Variants in ARHGAP39 observed in about 807,000 individuals in gnomAD.
ARHGAP39 encodes the protein rho GTPase-activating protein 39.
ARHGAP39 carries 44 observed loss-of-function variants against 106.9 expected under a neutral mutation model. That is an observed-to-expected ratio of 0.41 (90% confidence interval 0.32 to 0.53). The LOEUF is 0.53. Ranked by LOEUF, ARHGAP39 falls within the 20% of genes least tolerant of loss-of-function variation. ARHGAP39 has a pLI of 0.21. For synonymous variants in ARHGAP39, 768 were observed against 693.2 expected (o/e 1.11, Z -1.69); for missense variants, 1,496 against 1,577.3 (o/e 0.95, Z 0.87).
rs1378531747 is a variant in ARHGAP39, at chr8:144,533,217, G to A, written c.2797C>T (p.Arg933Cys). The change falls in exon 9 of 12, where the codon CGC becomes TGC. Residue 933 changes from arginine (R) to cysteine (C), a missense_variant. Physicochemically the swap from Arg to Cys is radical, Grantham distance 180. Around this residue, in one of 4 missense-constraint regions of ARHGAP39, gnomAD observed 470 missense variants for 605.1 expected, o/e 0.78. Transcript: ENST00000377307. The stretch of plus-strand genomic sequence containing the variant: ...CAGGGCAGCTGGCGCTCGGGGTAGC[G>A]CTCTCTCTGCATGCCCATGACCTCC... ...LQEVMGMQRE[R>C]YPERQLPWVQ... 20 of 1,612,764 alleles carry A rather than the reference G, an allele frequency of 1.2e-5. No individual in the cohort carries two copies. The highest frequency in any genetic ancestry group is 1.6e-5 in the Non-Finnish European group (19 of 1,179,976).
chr8:144,532,892 G>A (rs1816786485), intron 9 of ARHGAP39, among the ~76,000 whole-genome samples: 1 of 152,210 alleles, frequency 6.6e-6, no homozygotes. Flanking sequence ...CTCTGCAGGG[G>A]CGCCCTCCCT....
intron 1 of ARHGAP39, among the ~76,000 whole-genome samples, chr8:144,655,951 C>G (rs1821682210): frequency 6.6e-6 from 1 of 152,114 alleles, no homozygotes; most frequent in African/African-American, 2.4e-5. Flanking sequence ...AAGGGAACAG[C>G]ATATCTAACA....
intron 4 of ARHGAP39, among the ~76,000 whole-genome samples, chr8:144,552,799 CTT>C: frequency 6.8e-6 from 1 of 147,024 alleles, no homozygotes; most frequent in African/African-American, 2.5e-5. Flanking sequence ...TTTATAATTT[CTT>C]TTTTTTTTTT....
At chr8:144,537,571 C>A in intron 7 of ARHGAP39, 150 bp downstream of exon 7, 1 of 695,230 alleles carries the variant, frequency 1.4e-6, no homozygotes, top group Non-Finnish European at 2.4e-6. Context: ...CACCTGGGCC[C>A]TCCAGCTCGC....
intron 1 of ARHGAP39, among the ~76,000 whole-genome samples, chr8:144,682,310 G>A (rs1359832067): frequency 6.7e-6 from 1 of 149,670 alleles, no homozygotes; most frequent in Non-Finnish European, 1.5e-5. Context: ...AGCACTTTGG[G>A]AGGCTGAGGC....
At chr8:144,616,014 G>C (rs903250398) in intron 1 of ARHGAP39, among the ~76,000 whole-genome samples, 5 of 152,252 alleles carry the variant, frequency 3.3e-5, no homozygotes, top group African/African-American at 1.2e-4. Context: ...TTTCTGGGAG[G>C]GGGAAAGGAG....
intron 8 of ARHGAP39, among the ~76,000 whole-genome samples, chr8:144,533,727 G>A (rs1024754557): frequency 2.0e-5 from 3 of 152,214 alleles, no homozygotes; most frequent in Admixed American, 6.5e-5. Context: ...AGCTAGCTGA[G>A]CTGGGGTGAA....
rs1818971116 is a variant in ARHGAP39 at position 144,581,121 on chromosome 8, G to A, written c.237C>T (p.Arg79=). 1 of 1,592,564 alleles carries A rather than the reference G, an allele frequency of 6.3e-7. No individual in the cohort carries two copies. Among genetic ancestry groups the A allele is most frequent in the Non-Finnish European group, 8.5e-7 (1 of 1,170,538 alleles). Residue 79 remains arginine, a synonymous_variant, in exon 3 of 12, where the codon CGC becomes CGT. Transcript: ENST00000377307. ...WWELFDPNTS[R]FYYYNASTQR... is the part of the protein sequence containing the mutation. ...GCGTGCTGGCATTGTAGTAGTAGAA[G>A]CGGGACGTGTTGGGGTCGAACAGCT... is the stretch of plus-strand genomic sequence containing the variant.
At chr8:144,689,094 C>T (rs1373209701), upstream of ARHGAP39, among the ~76,000 whole-genome samples, 1 of 152,106 alleles carries the variant, frequency 6.6e-6, no homozygotes, top group East Asian at 1.9e-4. Flanking sequence ...TTTAATAGAG[C>T]CTCTGTTTGT....
At chr8:144,531,262 GGGGAGTGGGCTA>G (rs1816710900) in intron 10 of ARHGAP39, among the ~76,000 whole-genome samples, 1 of 94,570 alleles carries the variant, frequency 1.1e-5, no homozygotes, top group African/African-American at 4.1e-5. Context: ...AGCAGCAGGT[GGGGAGTGGGCTA>G]GACATAGCAG....
upstream of ARHGAP39, among the ~76,000 whole-genome samples, chr8:144,686,998 G>A (rs531800861): frequency 1.1e-4 from 8 of 70,398 alleles, no homozygotes; most frequent in South Asian, 4.2e-4. Flanking sequence ...ACACACTGGC[G>A]GCGACCATTT....
Position 144,548,039 on chromosome 8 carries a change from C to T in ARHGAP39, c.1047G>A (p.Pro349=), listed in dbSNP as rs1415690701. 5.0e-6 allele frequency: 8 copies of T among 1,603,464 alleles called. No homozygotes were observed. The highest frequency in any genetic ancestry group is 6.8e-6 in the Non-Finnish European group (8 of 1,176,470). ...GYQAGSPQRS[P]GRKPRPFLQP... is the part of the protein sequence containing the mutation. The stretch of plus-strand genomic sequence containing the variant: ...GGAGGAACGGCCGGGGCTTACGGCC[C>T]GGCGACCGCTGGGGAGAGCCGGCCT... The change falls in exon 5 of 12, where the codon CCG becomes CCA. Residue 349 remains proline, a synonymous_variant. Transcript: ENST00000377307. The surrounding 1 kb of genome is among the most constrained non-coding windows in gnomAD (Gnocchi z 7.4).
intron 1 of ARHGAP39, among the ~76,000 whole-genome samples, chr8:144,682,050 C>G (rs1267775723): frequency 6.6e-6 from 1 of 151,778 alleles, no homozygotes; most frequent in Non-Finnish European, 1.5e-5. Flanking sequence ...GGGCAGATCA[C>G]GAGGTCAGGA....
Position 144,620,051 on chromosome 8 carries a change from C to T in ARHGAP39, c.-81-14356G>A, listed in dbSNP as rs376796910. Among the ~76,000 whole-genome samples, 588 of 127,704 alleles carry T rather than the reference C, an allele frequency of 4.6e-3. 1 individual carries two copies. Among genetic ancestry groups the T allele is most frequent in the African/African-American group, 0.015 (504 of 32,992 alleles). 83.8% of individuals were successfully genotyped at this position (127,704 alleles called of 152,430 possible). ...GTGTGCCGGTGTTTGTGTGCCTGTGCGTCCCTGAGAGCGTGTCTGTGTGTG... is the reference window on the plus strand; with the variant it reads ...GTGTGCCGGTGTTTGTGTGCCTGTGTGTCCCTGAGAGCGTGTCTGTGTGTG... On this transcript the variant is annotated intron_variant, in intron 1 of 11. Transcript: ENST00000377307.
intron 1 of ARHGAP39, among the ~76,000 whole-genome samples, chr8:144,666,352 G>C (rs1158379893): frequency 6.6e-6 from 1 of 152,134 alleles, no homozygotes; most frequent in African/African-American, 2.4e-5. Flanking sequence ...TAAGACTTTG[G>C]GGGGCTGTTG....
At position 144,547,837 on chromosome 8, in the gene ARHGAP39, T is replaced by C; in HGVS notation, c.1249A>G (p.Lys417Glu). Residue 417 changes from lysine (K) to glutamate (E), a missense_variant, in exon 5 of 12, where the codon AAG becomes GAG. Coordinates refer to ENST00000377307, the MANE Select transcript of ARHGAP39 (RefSeq NM_025251.3). The surrounding 1 kb of genome is among the most constrained non-coding windows in gnomAD (Gnocchi z 5.2). ...SPKLRAGPRH[K>E]YAPNPGGGSY... ...CCACCGCCGGGGTTGGGCGCGTACT[T>C]GTGCCGCGGGCCGGCGCGCAGCTTG... The C allele has an allele frequency of 1.3e-6, 2 of 1,590,334 alleles. No individual in the cohort carries two copies. Among genetic ancestry groups the C allele is most frequent in the South Asian group, 1.1e-5 (1 of 88,398 alleles).
At position 144,530,783 on chromosome 8, in the gene ARHGAP39, G is replaced by A. The variant is rs758173664; in HGVS notation, c.3069C>T (p.Ser1023=). 10 of 1,611,778 alleles carry A rather than the reference G, an allele frequency of 6.2e-6. No homozygotes were observed. Among genetic ancestry groups the A allele is most frequent in the Non-Finnish European group, 8.5e-6 (10 of 1,179,576 alleles). ...GCACCACGGCCACCGCCGCCTCGGG[G>A]CTGTCGTAGTGCGCGATGCACTGCT... is the stretch of plus-strand genomic sequence containing the variant. ...FYEQCIAHYD[S]PEAAVAVVHA... The change falls in exon 11 of 12, where the codon AGC becomes AGT. Residue 1023 remains serine, a synonymous_variant. Transcript: ENST00000377307.
chr8:144,676,457 ACAC>A (rs1822242188), intron 1 of ARHGAP39, among the ~76,000 whole-genome samples: 2 of 125,832 alleles, frequency 1.6e-5, no homozygotes, highest in African/African-American at 9.3e-5. Context: ...TGAGCTAGAC[ACAC>A]GTGCTGCTGA....
At chr8:144,654,615 T>A (rs1284303629) in intron 1 of ARHGAP39, among the ~76,000 whole-genome samples, 1 of 152,080 alleles carries the variant, frequency 6.6e-6, no homozygotes, top group Admixed American at 6.5e-5. Flanking sequence ...GGCTGCACAC[T>A]CCATGGAGCT....
Sources: gnomAD v4.1 joint callset for allele counts (sites outside exome capture counted in the v4.1 genomes callset) on GRCh38, gnomAD v4.1.1 for gene constraint, gnomAD v4.1.1 regional missense constraint, Gnocchi (gnomAD v3.1) non-coding constraint, MANE v1.5 for transcripts, NCBI Gene and HGNC (gene_info 2026-07-23, HGNC 2026-07-21) for gene names.